Variants in CSMD3 observed in about 807,000 individuals in gnomAD.
CSMD3 encodes CUB and sushi domain-containing protein 3.
Under a neutral mutation model 435.2 loss-of-function variants are expected in CSMD3, and 177 were observed. That is an observed-to-expected ratio of 0.41 (90% confidence interval 0.36 to 0.46). CSMD3 has a LOEUF of 0.46. Ranked by LOEUF, CSMD3 falls within the 20% of genes least tolerant of loss-of-function variation. The pLI is 0.34. For missense variants in CSMD3, 4,265 were observed against 4,504.6 expected (o/e 0.95, Z 1.52); for synonymous variants, 1,656 against 1,520.5 (o/e 1.09, Z -2.07).
intron 1 of CSMD3, among the ~76,000 whole-genome samples, chr8:113,392,202 C>A (rs1563775712): frequency 6.6e-6 from 1 of 151,938 alleles, no homozygotes; most frequent in African/African-American, 2.4e-5. Context: ...GGATCCTGAT[C>A]CACAGACAAT....
intron 1 of CSMD3, among the ~76,000 whole-genome samples, chr8:113,356,086 C>G (rs2132948257): frequency 6.6e-6 from 1 of 151,658 alleles, no homozygotes; most frequent in Admixed American, 6.6e-5. Flanking sequence ...ATGCATGGTC[C>G]AATACTCTTC....
chr8:112,271,150 A>G (rs1817496240), intron 59 of CSMD3, among the ~76,000 whole-genome samples: 1 of 152,180 alleles, frequency 6.6e-6, no homozygotes, highest in African/African-American at 2.4e-5. Context: ...ACATTAAAAT[A>G]TCTCATCTCT....
chr8:112,809,409 A>C (rs999593725), intron 12 of CSMD3, among the ~76,000 whole-genome samples: 1 of 152,204 alleles, frequency 6.6e-6, no homozygotes, highest in Non-Finnish European at 1.5e-5. Flanking sequence ...CCTCAGAAGA[A>C]TTTGACAATA....
intron 4 of CSMD3, among the ~76,000 whole-genome samples, chr8:113,141,619 CTT>C (rs2091550866): frequency 6.6e-6 from 1 of 150,746 alleles, no homozygotes; most frequent in African/African-American, 2.4e-5. Flanking sequence ...AAGGAAAACA[CTT>C]GACTAAATTC....
intron 22 of CSMD3, among the ~76,000 whole-genome samples, chr8:112,627,731 C>T (rs1834604230): frequency 6.6e-6 from 1 of 152,026 alleles, no homozygotes; most frequent in South Asian, 2.1e-4. Context: ...TCAATGAAAC[C>T]CTCCCTATGG....
intron 5 of CSMD3, among the ~76,000 whole-genome samples, chr8:113,032,855 GC>G (rs1319332058): frequency 6.6e-6 from 1 of 151,404 alleles, no homozygotes; most frequent in African/African-American, 2.4e-5. Context: ...TGCACTCAGG[GC>G]CCCATTGGTC....
rs1029153889 is a variant in CSMD3, at chr8:112,254,288, G to A, written c.10075C>T (p.Arg3359Trp). The A allele has an allele frequency of 1.4e-5, 22 of 1,612,540 alleles. No homozygotes were observed. Among genetic ancestry groups the A allele is most frequent in the African/African-American group, 4.0e-5 (3 of 74,832 alleles). Residue 3359 changes from arginine to tryptophan, a missense_variant, in exon 63 of 71, where the codon CGG (arginine) becomes TGG (tryptophan). Around this residue, in one of 3 missense-constraint regions of CSMD3, gnomAD observed 3,255 missense variants for 3,380.2 expected, o/e 0.96. Coordinates refer to ENST00000297405, the MANE Select transcript of CSMD3 (RefSeq NM_198123.2). ...QTSCENPGVP[R>W]HGSQNNTFGF... ...AATGTATTGTTCTGAGATCCATGCCGAGGCACACCTGGGTTTTCACAAGAG... is the reference window on the plus strand; with the variant it reads ...AATGTATTGTTCTGAGATCCATGCCAAGGCACACCTGGGTTTTCACAAGAG...
intron 11 of CSMD3, among the ~76,000 whole-genome samples, chr8:112,840,100 C>A (rs532464906): frequency 1.7e-3 from 255 of 151,716 alleles, no homozygotes; most frequent in Non-Finnish European, 2.7e-3. Flanking sequence ...AGGCAGGAGT[C>A]CAGGAAGTTA....
At chr8:112,815,014 CAAT>C (rs1158967308) in intron 12 of CSMD3, among the ~76,000 whole-genome samples, 8 of 150,512 alleles carry the variant, frequency 5.3e-5, no homozygotes, top group Non-Finnish European at 1.2e-4. Context: ...CCTTCTAGTA[CAAT>C]GTTATAAAAA....
intron 24 of CSMD3, among the ~76,000 whole-genome samples, chr8:112,568,262 G>A (rs1338620504): frequency 1.3e-5 from 2 of 152,196 alleles, no homozygotes; most frequent in South Asian, 2.1e-4. Context: ...TCTTGACAAC[G>A]CTAAAGATGA....
intron 5 of CSMD3, among the ~76,000 whole-genome samples, chr8:113,046,606 C>T (rs531155143): frequency 6.6e-6 from 1 of 152,326 alleles, no homozygotes; most frequent in Admixed American, 6.5e-5. Context: ...TCTCCACCAA[C>T]AACCTATATC....
intron 5 of CSMD3, among the ~76,000 whole-genome samples, chr8:113,041,349 A>G (rs531628032): frequency 7.4e-4 from 113 of 152,128 alleles, no homozygotes; most frequent in Non-Finnish European, 1.3e-3. Context: ...AAAAATAGGA[A>G]GAGAAATGTT....
chr8:112,278,029 G>A lies in CSMD3; in HGVS notation c.9508+3145C>T, dbSNP rs116687703. ...TTCTCTCAAACCATTTCTGACCAAA[G>A]AGAGTCTTACCATGTGGGTAATCTT... On this transcript the variant is annotated intron_variant, in intron 59 of 70. Coordinates refer to ENST00000297405, the MANE Select transcript of CSMD3 (RefSeq NM_198123.2). Among the ~76,000 whole-genome samples the A allele has an allele frequency of 8.1e-3, 1,236 of 152,272 alleles. 14 individuals are homozygous for A. Among genetic ancestry groups the A allele is most frequent in the African/African-American group, 0.028 (1,168 of 41,552 alleles).
At chr8:112,574,317 T>C (rs1352860825) in intron 23 of CSMD3, among the ~76,000 whole-genome samples, 1 of 152,024 alleles carries the variant, frequency 6.6e-6, no homozygotes, top group Non-Finnish European at 1.5e-5. Flanking sequence ...GTCAGTAATA[T>C]AGATTCTTCT....
At chr8:112,229,576 A>C (rs1458660570) in intron 69 of CSMD3, among the ~76,000 whole-genome samples, 2 of 151,994 alleles carry the variant, frequency 1.3e-5, no homozygotes. Flanking sequence ...CTGCAGGCAC[A>C]TGCAACCACA....
intron 5 of CSMD3, among the ~76,000 whole-genome samples, chr8:113,082,670 C>T (rs1363215936): frequency 6.6e-6 from 1 of 151,954 alleles, no homozygotes; most frequent in African/African-American, 2.4e-5. Flanking sequence ...TAAGGAAACT[C>T]AGTGAGAAGC....
chr8:112,442,249 T>G (rs1815105234), intron 32 of CSMD3, among the ~76,000 whole-genome samples: 1 of 152,036 alleles, frequency 6.6e-6, no homozygotes, highest in South Asian at 2.1e-4. Flanking sequence ...TCATGAGGGA[T>G]CCATCCCCAT....
intron 3 of CSMD3, among the ~76,000 whole-genome samples, chr8:113,182,761 T>C (rs2092441055): frequency 6.6e-6 from 1 of 151,988 alleles, no homozygotes; most frequent in Non-Finnish European, 1.5e-5. Context: ...AGAAGCTGGG[T>C]TGCTGCAAAT....
chr8:112,477,657 G>A (rs141310274), intron 31 of CSMD3, among the ~76,000 whole-genome samples: 55 of 152,160 alleles, frequency 3.6e-4, no homozygotes, highest in African/African-American at 1.3e-3. Context: ...ACCTGCTCCC[G>A]CTTTGCCTTC....
Sources: allele counts gnomAD v4.1 joint callset (sites outside exome capture counted in the v4.1 genomes callset), GRCh38; gene constraint gnomAD v4.1.1; regional missense constraint gnomAD v4.1.1; transcripts MANE v1.5; gene names NCBI Gene and HGNC (gene_info 2026-07-23, HGNC 2026-07-21).